Variants in SCG3 observed in about 807,000 individuals in gnomAD.
SCG3 encodes secretogranin-3.
Under a neutral mutation model 56.2 loss-of-function variants are expected in SCG3, and 38 were observed. That is an observed-to-expected ratio of 0.68 (90% confidence interval 0.52 to 0.89). The LOEUF (loss-of-function observed/expected upper bound fraction) is 0.89. SCG3 is among the 40% of genes least tolerant of loss of function. SCG3 has a pLI of 0.00. For missense variants in SCG3, 524 were observed against 540.7 expected, an observed-to-expected ratio of 0.97 and a Z score of 0.31; for synonymous variants, 176 against 184.2, an observed-to-expected ratio of 0.96 and a Z score of 0.36.
chr15:51,710,748 G>C (rs2055415245), intron 10 of SCG3, among the ~76,000 whole-genome samples: 1 of 102,506 alleles, frequency 9.8e-6, no homozygotes, highest in African/African-American at 3.6e-5. Flanking sequence ...ACCATGCCTG[G>C]CTAATTTTTT....
At chr15:51,687,197 G>A (rs980426559) in intron 4 of SCG3, among the ~76,000 whole-genome samples, 2 of 151,992 alleles carry the variant, frequency 1.3e-5, no homozygotes, top group Non-Finnish European at 2.9e-5. Context: ...AAAAGTAATC[G>A]CGGTTTTTGC....
chr15:51,682,576 C>A lies in SCG3; in HGVS notation c.135+7C>A. On this transcript the variant is annotated splice_region_variant and intron_variant, in intron 2 of 11. Transcript: ENST00000220478. The stretch of plus-strand genomic sequence containing the variant: ...AAGACCTTTGAATGAACAGGTAGGT[C>A]AAAAGTAACATTATGAATGCTATTT... 1 of 1,363,034 alleles carries A rather than the reference C, an allele frequency of 7.3e-7. No homozygotes were observed. The highest frequency in any genetic ancestry group is 1.4e-5 in the South Asian group (1 of 70,126). 84.4% of individuals were successfully genotyped at this position (1,363,034 alleles called of 1,614,324 possible). A position where few individuals can be genotyped will look rare whatever the true frequency, so the allele number is the denominator to read the frequency against.
intron 7 of SCG3, chr15:51,693,749 C>T (rs2055283903): frequency 6.6e-6 from 1 of 152,130 alleles, no homozygotes; most frequent in African/African-American, 2.4e-5. Context: ...GCTTCAATTC[C>T]AGACATTGGC....
rs868640015 is a variant in SCG3 at position 51,688,553 on chromosome 15, C to G, written c.540+151C>G. On this transcript the variant is annotated intron_variant, in intron 5 of 11. Coordinates refer to ENST00000220478, the MANE Select transcript of SCG3 (RefSeq NM_013243.4). ...TTTTAAGGACAAGCAAAGCACCATT[C>G]TTTTTTTTCTAGGAGTTTATCATCC... 1.3e-4 allele frequency: 84 copies of G among 628,670 alleles called. No individual in the cohort carries two copies. In the African/African-American group the frequency reaches 1.5e-3, roughly 11 times the overall value. The allele number at this position is 628,670 out of a possible 1,614,324, so 38.9% of individuals were successfully genotyped here.
chr15:51,695,030 CAAA>C (rs555948728), intron 7 of SCG3, among the ~76,000 whole-genome samples: 3 of 80,494 alleles, frequency 3.7e-5, no homozygotes. Flanking sequence ...GACTCTATCT[CAAA>C]AAAAAAAAAA....
At chr15:51,719,379 G>A in intron 11 of SCG3, 29 bp from the exon 12 acceptor site, 1 of 1,526,718 alleles carries the variant, frequency 6.5e-7, no homozygotes, top group Non-Finnish European at 9.1e-7. Context: ...CCTGATCTTT[G>A]CTCATTATGC....
intron 6 of SCG3, among the ~76,000 whole-genome samples, chr15:51,690,993 C>T (rs1428593182): frequency 6.6e-6 from 1 of 152,154 alleles, no homozygotes; most frequent in East Asian, 1.9e-4. Flanking sequence ...ATTACAATTG[C>T]ATTAAGTGCT....
chr15:51,683,459 TG>T, intron 4 of SCG3, 25 bp downstream of exon 4: 1 of 1,487,844 alleles, frequency 6.7e-7, no homozygotes, highest in Non-Finnish European at 9.2e-7. Context: ...AAGAACTTTT[TG>T]TTAACGTGGA....
chr15:51,702,504 G>A (rs1047703393), intron 10 of SCG3, among the ~76,000 whole-genome samples: 4 of 152,232 alleles, frequency 2.6e-5, no homozygotes, highest in Admixed American at 6.5e-5. Context: ...TGATCCCCCC[G>A]CCTAGGCCTC....
chr15:51,715,118 T>C (rs982268060), intron 11 of SCG3: 1 of 152,242 alleles, frequency 6.6e-6, no homozygotes, highest in African/African-American at 2.4e-5. Flanking sequence ...AGACTCCTGG[T>C]CATAATCAAC....
intron 11 of SCG3, among the ~76,000 whole-genome samples, chr15:51,718,227 CAGACAG>C (rs2055471977): frequency 6.6e-6 from 1 of 151,494 alleles, no homozygotes; most frequent in African/African-American, 2.4e-5. Context: ...GACAGACAGA[CAGACAG>C]ACAGATGTCA....
chr15:51,713,800 C>G (rs912893985), intron 11 of SCG3, among the ~76,000 whole-genome samples: 1 of 152,096 alleles, frequency 6.6e-6, no homozygotes, highest in Non-Finnish European at 1.5e-5. Context: ...ATTTTGTGCA[C>G]CCTGCAGTCA....
At chr15:51,713,168 A>G in intron 10 of SCG3, 165 bp from the exon 11 acceptor site, 1 of 467,936 alleles carries the variant, frequency 2.1e-6, no homozygotes. Context: ...TCAACACACA[A>G]ACACACATAG....
intron 11 of SCG3, among the ~76,000 whole-genome samples, chr15:51,717,728 A>G (rs938899325): frequency 2.6e-5 from 4 of 152,174 alleles, no homozygotes; most frequent in African/African-American, 4.8e-5. Flanking sequence ...CAGCATGTGA[A>G]TCAGTTTTTG....
chr15:51,691,376 G>C (rs1199736012), intron 6 of SCG3, among the ~76,000 whole-genome samples: 11 of 152,188 alleles, frequency 7.2e-5, no homozygotes, highest in Admixed American at 7.2e-4. Context: ...TTGTTAAAAA[G>C]ATAACTCTGG....
rs776413317 is a variant in SCG3 at position 51,719,546 on chromosome 15, A to G, written c.*20A>G. The G allele has an allele frequency of 1.3e-6, 2 of 1,518,776 alleles. No homozygotes were observed. The highest frequency in any genetic ancestry group is 9.1e-7 in the Non-Finnish European group (1 of 1,095,738). The allele number at this position is 1,518,776 out of a possible 1,614,324, so 94.1% of individuals were successfully genotyped here. ...CTGTAAAAATGGCAAAAGATCCAGG[A>G]GTCTTTCAACTGTTTCAGAAAACAT... On this transcript the variant is annotated 3_prime_UTR_variant, in exon 12 of 12. Transcript: ENST00000220478.
chr15:51,691,608 C>G (rs1233456769), intron 6 of SCG3, among the ~76,000 whole-genome samples: 1 of 152,132 alleles, frequency 6.6e-6, no homozygotes, highest in Non-Finnish European at 1.5e-5. Flanking sequence ...ATCTAGTTCA[C>G]TGAATGGAGA....
intron 4 of SCG3, among the ~76,000 whole-genome samples, chr15:51,687,994 A>G (rs2055240173): frequency 6.6e-6 from 1 of 152,232 alleles, no homozygotes; most frequent in South Asian, 2.1e-4. Flanking sequence ...ATAACAATAA[A>G]TGGAGACTAC....
At chr15:51,712,979 C>G (rs2055430164) in intron 10 of SCG3, 1 of 182,704 alleles carries the variant, frequency 5.5e-6, no homozygotes, top group African/African-American at 2.4e-5. Context: ...AGAACCATCC[C>G]TAACCAGAAA....
Sources: allele counts gnomAD v4.1 joint callset (sites outside exome capture counted in the v4.1 genomes callset), GRCh38; gene constraint gnomAD v4.1.1; transcripts MANE v1.5; gene names NCBI Gene and HGNC (gene_info 2026-07-23, HGNC 2026-07-21).